The following SYNDIG1 variants were observed in gnomAD, a reference collection of about 807,000 sequenced individuals.
SYNDIG1 encodes the protein synapse differentiation inducing 1.
Under a neutral mutation model 19.4 loss-of-function variants are expected in SYNDIG1, and 9 were observed. The observed-to-expected ratio is 0.46, with a 90% CI of 0.28 to 0.81. The LOEUF (loss-of-function observed/expected upper bound fraction) is 0.81. Ranked by LOEUF, SYNDIG1 falls within the 30% of genes least tolerant of loss-of-function variation. The pLI is 0.12. For synonymous variants in SYNDIG1, 141 were observed against 145.9 expected, an observed-to-expected ratio of 0.97 and a Z score of 0.24; for missense variants, 311 against 343.3, an observed-to-expected ratio of 0.91 and a Z score of 0.74.
intron 1 of SYNDIG1, among the ~76,000 whole-genome samples, chr20:24,473,357 A>G (rs2055525661): frequency 6.6e-6 from 1 of 152,216 alleles, no homozygotes; most frequent in Non-Finnish European, 1.5e-5. Context: ...CAGTATTCAA[A>G]ACATTAGAGA....
chr20:24,584,710 C>A, intron 2 of SYNDIG1, 146 bp from the exon 3 acceptor site: 1 of 1,087,774 alleles, frequency 9.2e-7, no homozygotes, highest in Non-Finnish European at 1.4e-6. Flanking sequence ...GCAGCAATAA[C>A]GATGACTCGA....
intron 2 of SYNDIG1, among the ~76,000 whole-genome samples, chr20:24,577,445 C>A (rs528755634): frequency 2.7e-4 from 41 of 152,366 alleles, no homozygotes; most frequent in African/African-American, 9.9e-4. Flanking sequence ...ACTGGCCCTG[C>A]AAGGTCTCCA....
intron 1 of SYNDIG1, among the ~76,000 whole-genome samples, chr20:24,540,556 T>G (rs1261216846): frequency 6.6e-6 from 1 of 152,190 alleles, no homozygotes; most frequent in Non-Finnish European, 1.5e-5. Context: ...TATTCCTAGT[T>G]TGTTTCATGT....
At chr20:24,593,790 T>G (rs1222113481) in intron 3 of SYNDIG1, among the ~76,000 whole-genome samples, 1 of 152,236 alleles carries the variant, frequency 6.6e-6, no homozygotes, top group East Asian at 1.9e-4. Flanking sequence ...TGATTAGTGA[T>G]GTTGAGCATT....
At chr20:24,484,335 A>C (rs889200857) in intron 1 of SYNDIG1, among the ~76,000 whole-genome samples, 1 of 152,178 alleles carries the variant, frequency 6.6e-6, no homozygotes, top group Non-Finnish European at 1.5e-5. Flanking sequence ...GGGGTGCTGC[A>C]CGTGGTCTCC....
intron 1 of SYNDIG1, among the ~76,000 whole-genome samples, chr20:24,482,556 C>T (rs2146252873): frequency 6.6e-6 from 1 of 152,146 alleles, no homozygotes; most frequent in East Asian, 1.9e-4. Context: ...GAGGTCCTTC[C>T]CCTATATCTG....
chr20:24,659,139 T>C (rs2059559605), intron 3 of SYNDIG1, among the ~76,000 whole-genome samples: 1 of 152,210 alleles, frequency 6.6e-6, no homozygotes, highest in Admixed American at 6.5e-5. Flanking sequence ...CTGTGCCCTG[T>C]TGAGCCCACA....
chr20:24,549,283 C>T (rs1352938429), intron 2 of SYNDIG1, among the ~76,000 whole-genome samples: 2 of 152,148 alleles, frequency 1.3e-5, no homozygotes, highest in Non-Finnish European at 2.9e-5. Flanking sequence ...AAATTAACTC[C>T]TTTTAGCTTC....
chr20:24,631,678 A>T (rs773815618), intron 3 of SYNDIG1, among the ~76,000 whole-genome samples: 1 of 152,236 alleles, frequency 6.6e-6, no homozygotes, highest in South Asian at 2.1e-4. Flanking sequence ...TCTCCTGGAA[A>T]CAAACATATC....
At chr20:24,559,293 G>A (rs2057888698) in intron 2 of SYNDIG1, among the ~76,000 whole-genome samples, 1 of 152,144 alleles carries the variant, frequency 6.6e-6, no homozygotes, top group African/African-American at 2.4e-5. Flanking sequence ...AACTCAGAAG[G>A]GTGAGAGAGT....
chr20:24,605,422 C>A (rs1030469062), intron 3 of SYNDIG1, among the ~76,000 whole-genome samples: 1 of 152,006 alleles, frequency 6.6e-6, no homozygotes, highest in Non-Finnish European at 1.5e-5. Context: ...TATCTCTCCT[C>A]TCTCTCTCTC....
chr20:24,659,267 G>A (rs978483295), intron 3 of SYNDIG1, among the ~76,000 whole-genome samples: 4 of 152,206 alleles, frequency 2.6e-5, no homozygotes, highest in Non-Finnish European at 4.4e-5. Context: ...CATAAAGCCA[G>A]TGACTACCGG....
intron 2 of SYNDIG1, among the ~76,000 whole-genome samples, chr20:24,552,239 T>C (rs1368038258): frequency 6.6e-6 from 1 of 152,202 alleles, no homozygotes; most frequent in African/African-American, 2.4e-5. Flanking sequence ...GGGTTCCATC[T>C]AGAACCTGCT....
chr20:24,575,936 C>T (rs577771194), intron 2 of SYNDIG1, among the ~76,000 whole-genome samples: 2 of 152,274 alleles, frequency 1.3e-5, no homozygotes, highest in African/African-American at 2.4e-5. Flanking sequence ...GAGACATCCA[C>T]CCCACACCCC....
At chr20:24,522,514 C>T (rs1168735916) in intron 1 of SYNDIG1, among the ~76,000 whole-genome samples, 1 of 152,174 alleles carries the variant, frequency 6.6e-6, no homozygotes, top group Non-Finnish European at 1.5e-5. Context: ...CCTATCTCCT[C>T]CCCACTTCTC....
chr20:24,474,877 C>T (rs776785757), intron 1 of SYNDIG1, among the ~76,000 whole-genome samples: 1 of 152,206 alleles, frequency 6.6e-6, no homozygotes, highest in African/African-American at 2.4e-5. Flanking sequence ...CAGAAAACTT[C>T]AGTGCCCAAA....
At chr20:24,509,746 T>C (rs536496412) in intron 1 of SYNDIG1, among the ~76,000 whole-genome samples, 1 of 152,338 alleles carries the variant, frequency 6.6e-6, no homozygotes, top group South Asian at 2.1e-4. Flanking sequence ...GGATAAAATG[T>C]TCTCTCTCAC....
intron 2 of SYNDIG1, among the ~76,000 whole-genome samples, chr20:24,560,521 G>T (rs968296141): frequency 6.6e-6 from 1 of 151,518 alleles, no homozygotes; most frequent in Admixed American, 6.6e-5. Context: ...TACTTCTTAT[G>T]GGTTCTATGC....
At chr20:24,500,514 CTTTCTTTCTTTCTTTCTTCTTTCT>C (rs2056422944) in intron 1 of SYNDIG1, among the ~76,000 whole-genome samples, 2 of 112,990 alleles carry the variant, frequency 1.8e-5, no homozygotes, top group Admixed American at 1.8e-4. Context: ...TTCTTTCTTT[CTTTCTTTCTTTCTTTCTTCTTTCT>C]TTCTTTCTTT....
Sources: gnomAD v4.1 joint callset for allele counts (sites outside exome capture counted in the v4.1 genomes callset) on GRCh38, gnomAD v4.1.1 for gene constraint, MANE v1.5 for transcripts, NCBI Gene and HGNC (gene_info 2026-07-23, HGNC 2026-07-21) for gene names.